Variants in FURIN observed in about 807,000 individuals in gnomAD.
The protein encoded by FURIN is FES upstream region.
FURIN carries 18 observed loss-of-function variants against 89.2 expected under a neutral mutation model. The ratio of observed to expected loss-of-function variants is 0.20; its 90% confidence interval spans 0.14 to 0.30. FURIN has a LOEUF of 0.30. Among genes scored for constraint, FURIN ranks in the 10% least tolerant of loss-of-function variants. The pLI is 1.00. For missense variants in FURIN, 879 were observed against 1,100.5 expected, an observed-to-expected ratio of 0.80 and a Z score of 2.85; for synonymous variants, 508 against 466.4, an observed-to-expected ratio of 1.09 and a Z score of -1.15.
At position 90,881,219 on chromosome 15, in the gene FURIN, C is replaced by T. The variant is rs2031946234; in HGVS notation, c.1793-67C>T. The T allele has an allele frequency of 7.5e-7, 1 of 1,325,576 alleles. No homozygotes were observed. Among genetic ancestry groups the T allele is most frequent in the Non-Finnish European group, 1.1e-6 (1 of 946,376 alleles). The allele number at this position is 1,325,576 out of a possible 1,614,324, so 82.1% of individuals were successfully genotyped here. On this transcript the variant is annotated intron_variant, in intron 15 of 15. Coordinates refer to ENST00000268171, the MANE Select transcript of FURIN (RefSeq NM_002569.4). This position sits in a 1 kb window ranked among gnomAD's most constrained non-coding sequence, Gnocchi z 4.3. ...GGGGATGTGGTGACTTGGCTTGGGG[C>T]TGCTGTGGTCCTGGGGCTACAGTCT...
chr15:90,880,825 G>T lies in FURIN; in HGVS notation c.1681+10G>T. 5 of 1,612,316 alleles carry T rather than the reference G, an allele frequency of 3.1e-6. No homozygotes were observed. The highest frequency in any genetic ancestry group is 4.2e-6 in the Non-Finnish European group (5 of 1,178,802). ...GAAGCCAACAACTATGGTACTGGGGGCACTTGAGGGGTAGGGGTACGAGGT... is the reference window on the plus strand; with the variant it reads ...GAAGCCAACAACTATGGTACTGGGGTCACTTGAGGGGTAGGGGTACGAGGT... On this transcript the variant is annotated intron_variant, in intron 14 of 15. Coordinates refer to ENST00000268171, the MANE Select transcript of FURIN (RefSeq NM_002569.4).
chr15:90,873,798 T>G (rs574849257), intron 1 of FURIN, among the ~76,000 whole-genome samples: 26 of 152,266 alleles, frequency 1.7e-4, no homozygotes, highest in Admixed American at 7.8e-4. Context: ...GTGCAGGAGC[T>G]GTATTGTAGA....
chr15:90,870,529 G>A (rs962944425), intron 1 of FURIN, among the ~76,000 whole-genome samples: 3 of 152,020 alleles, frequency 2.0e-5, no homozygotes, highest in Non-Finnish European at 4.4e-5. Flanking sequence ...CTGATCCTGT[G>A]CAGCCAGGTT....
rs28634912 is a variant in FURIN at position 90,879,078 on chromosome 15, G to A, written c.1053+102G>A. On this transcript the variant is annotated intron_variant, in intron 9 of 15. Coordinates refer to ENST00000268171, the MANE Select transcript of FURIN (RefSeq NM_002569.4). Reference sequence around the variant, plus strand: ...TGTCTGCCTCCACCCCCATGTGGCTGGGTGATAGTGGCTCAGGCATCATGC... The same window carrying A: ...TGTCTGCCTCCACCCCCATGTGGCTAGGTGATAGTGGCTCAGGCATCATGC... 13 of 735,608 alleles carry A rather than the reference G, an allele frequency of 1.8e-5. No individual in the cohort carries two copies. In the African/African-American group the frequency reaches 2.3e-4, roughly 13 times the overall value. 45.6% of individuals were successfully genotyped at this position (735,608 alleles called of 1,614,324 possible).
chr15:90,875,802 C>A lies in FURIN; in HGVS notation c.62C>A (p.Ala21Glu). ...VAATGTLVLL[A>E]ADAQGQKVFT... ...GCAACAGGAACCTTGGTCCTGCTAGCAGCTGATGCTCAGGGCCAGAAGGTC... is the reference window on the plus strand; with the variant it reads ...GCAACAGGAACCTTGGTCCTGCTAGAAGCTGATGCTCAGGGCCAGAAGGTC... Residue 21 changes from alanine (A) to glutamate (E), a missense_variant, in exon 2 of 16, where the codon GCA becomes GAA. By Grantham distance (107) the Ala-to-Glu change is moderately radical. This residue lies in a region of FURIN where 125 missense variants were observed against 125.0 expected (regional missense o/e 1.00). Transcript: ENST00000268171. 6.4e-7 allele frequency: 1 copy of A among 1,561,294 alleles called. No individual in the cohort carries two copies. The highest frequency in any genetic ancestry group is 8.7e-7 in the Non-Finnish European group (1 of 1,151,824).
At chr15:90,878,097 C>G (rs1379580817) in intron 7 of FURIN, 35 bp from the exon 8 acceptor site, 1 of 1,608,504 alleles carries the variant, frequency 6.2e-7, no homozygotes, top group East Asian at 2.2e-5. Flanking sequence ...TGGACCCATG[C>G]AGCATCCCTC....
chr15:90,876,645 A>C lies in FURIN; in HGVS notation c.372+88A>C. 2 of 928,680 alleles carry C rather than the reference A, an allele frequency of 2.2e-6. No individual in the cohort carries two copies. The allele number at this position is 928,680 out of a possible 1,614,324, so 57.5% of individuals were successfully genotyped here. On this transcript the variant is annotated intron_variant, in intron 4 of 15. Transcript: ENST00000268171. This position sits in a 1 kb window ranked among gnomAD's most constrained non-coding sequence, Gnocchi z 5.0. ...TCTTGGATGGAGGAGGCTGTCTTCG[A>C]GGCCTCCTCTGATTCGTTTCCTTTC...
chr15:90,871,692 C>G (rs2031310843), intron 1 of FURIN: 1 of 148,774 alleles, frequency 6.7e-6, no homozygotes, highest in African/African-American at 2.5e-5. Flanking sequence ...CGGGCCGGGC[C>G]GTGGAGCTCT....
chr15:90,875,876 A>C lies in FURIN; in HGVS notation c.136A>C (p.Asn46His). The C allele has an allele frequency of 6.3e-7, 1 of 1,590,134 alleles. No homozygotes were observed. Among genetic ancestry groups the C allele is most frequent in the Middle Eastern group, 1.7e-4 (1 of 6,024 alleles). ...CATCCCTGGAGGCCCAGCGGTGGCC[A>C]ACAGTGTGGCACGGAAGCATGGGTT... ...VRIPGGPAVA[N>H]SVARKHGFLN... Residue 46 changes from asparagine (N) to histidine (H), a missense_variant, in exon 2 of 16, where the codon AAC (asparagine) becomes CAC (histidine). Physicochemically the swap from Asn to His is moderately conservative, Grantham distance 68 (BLOSUM62 1). This residue lies in a region of FURIN where 125 missense variants were observed against 125.0 expected (regional missense o/e 1.00). Transcript: ENST00000268171.
chr15:90,876,110 A>G lies in FURIN; in HGVS notation c.178-145A>G, dbSNP rs2031603861. 1.3e-6 allele frequency: 1 copy of G among 774,512 alleles called. No homozygotes were observed. Among genetic ancestry groups the G allele is most frequent in the Non-Finnish European group, 2.2e-6 (1 of 455,702 alleles). The allele number at this position is 774,512 out of a possible 1,614,324, so 48.0% of individuals were successfully genotyped here. A position where few individuals can be genotyped will look rare whatever the true frequency, so the allele number is the denominator to read the frequency against. ...GAGAGTGAGTCCTCATGGTCCCCGC[A>G]TTTTGCTGGGTCCCGGACAGGGAGC... On this transcript the variant is annotated intron_variant, in intron 2 of 15. Transcript: ENST00000268171. This position sits in a 1 kb window ranked among gnomAD's most constrained non-coding sequence, Gnocchi z 5.0.
chr15:90,869,859 C>T (rs1334408807), intron 1 of FURIN, among the ~76,000 whole-genome samples: 2 of 152,226 alleles, frequency 1.3e-5, no homozygotes, highest in Non-Finnish European at 2.9e-5. Flanking sequence ...CAGCCCTGTC[C>T]CTGTTTCCCC....
chr15:90,870,384 C>T (rs1290507378), intron 1 of FURIN, among the ~76,000 whole-genome samples: 1 of 152,144 alleles, frequency 6.6e-6, no homozygotes, highest in Non-Finnish European at 1.5e-5. Context: ...ACTGTACCCA[C>T]CTCATGGGGC....
At position 90,875,462 on chromosome 15, in the gene FURIN, C is replaced by T. The variant is rs1198099881; in HGVS notation, c.-159-120C>T. 3 of 353,354 alleles carry T rather than the reference C, an allele frequency of 8.5e-6. No individual in the cohort carries two copies. The East Asian group carries it at 1.4e-4, about 16-fold the overall frequency. The allele number at this position is 353,354 out of a possible 1,614,324, so 21.9% of individuals were successfully genotyped here. A position where few individuals can be genotyped will look rare whatever the true frequency, so the allele number is the denominator to read the frequency against. ...TTCTGGGGAGGACTAATTTTTTTAC[C>T]CTTCTCCCCCAGATCTCATTTCAGG... On this transcript the variant is annotated intron_variant, in intron 1 of 15. Transcript: ENST00000268171.
At chr15:90,878,738 A>T in intron 8 of FURIN, 26 bp from the exon 9 acceptor site, 2 of 1,421,954 alleles carry the variant, frequency 1.4e-6, no homozygotes, top group Non-Finnish European at 2.0e-6. Flanking sequence ...CCAATCTTGA[A>T]TGACCCCAGC....
chr15:90,871,905 C>A (rs1410165498), intron 1 of FURIN, among the ~76,000 whole-genome samples: 1 of 151,308 alleles, frequency 6.6e-6, no homozygotes, highest in African/African-American at 2.4e-5. Flanking sequence ...GGGCCCGTCT[C>A]GGCCCCCCGG....
In FURIN at chr15:90,882,934, C is replaced by G. The variant is rs1014628625; in HGVS notation, c.*1056C>G. 1.3e-5 allele frequency: 2 copies of G among 152,478 alleles called. No homozygotes were observed. Among genetic ancestry groups the G allele is most frequent in the Non-Finnish European group, 2.9e-5 (2 of 68,084 alleles). The allele number at this position is 152,478 out of a possible 1,614,324, so 9.4% of individuals were successfully genotyped here. A position where few individuals can be genotyped will look rare whatever the true frequency, so the allele number is the denominator to read the frequency against. On this transcript the variant is annotated 3_prime_UTR_variant, in exon 16 of 16. Transcript: ENST00000268171. ...TGAGGAGTGAGGAATAGTTGAGCCC[C>G]AAGTCCTGAAGAGGCGGGCCAGCCA...
In FURIN at chr15:90,879,729, C is replaced by A. The variant is rs769526218; in HGVS notation, c.1213C>A (p.His405Asn). 2 of 1,613,884 alleles carry A rather than the reference C, an allele frequency of 1.2e-6. No homozygotes were observed. Among genetic ancestry groups the A allele is most frequent in the South Asian group, 2.2e-5 (2 of 91,090 alleles). The part of the protein sequence containing the change: ...HLVVQTSKPA[H>N]LNANDWATNG... ...GGTGGTACAGACCTCGAAGCCAGCC[C>A]ACCTCAATGCCAACGACTGGGCCAC... The change falls in exon 11 of 16, where the codon CAC becomes AAC. Residue 405 changes from histidine (H) to asparagine (N), a missense_variant. Coordinates refer to ENST00000268171, the MANE Select transcript of FURIN (RefSeq NM_002569.4).
chr15:90,880,206 C>T lies in FURIN; in HGVS notation c.1489C>T (p.Arg497Cys), dbSNP rs267604384. 1 of 1,612,596 alleles carries T rather than the reference C, an allele frequency of 6.2e-7. No individual in the cohort carries two copies. The highest frequency in any genetic ancestry group is 1.3e-5 in the African/African-American group (1 of 74,946). ...GGCGCGGCTCACCCTGTCCTATAAT[C>T]GCCGTGGCGACCTGGCCATCCACCT... ...AQARLTLSYN[R>C]RGDLAIHLVS... Residue 497 changes from arginine (R) to cysteine (C), a missense_variant, in exon 13 of 16, where the codon CGC (arginine) becomes TGC (cysteine). This residue lies in a region of FURIN where 457 missense variants were observed against 490.7 expected (regional missense o/e 0.93). Transcript: ENST00000268171.
At chr15:90,879,087 T>A in intron 9 of FURIN, 111 bp downstream of exon 9, 1 of 699,080 alleles carries the variant, frequency 1.4e-6, no homozygotes. Context: ...TGGGTGATAG[T>A]GGCTCAGGCA....
Sources: allele counts gnomAD v4.1 joint callset (sites outside exome capture counted in the v4.1 genomes callset), GRCh38; gene constraint gnomAD v4.1.1; regional missense constraint gnomAD v4.1.1; non-coding constraint Gnocchi (gnomAD v3.1); transcripts MANE v1.5; gene names NCBI Gene and HGNC (gene_info 2026-07-23, HGNC 2026-07-21).